PARD3B: variants seen among roughly 807,000 people sequenced by gnomAD.
The protein encoded by PARD3B is partitioning defective 3 homolog B.
In PARD3B, 103 loss-of-function variants were observed where a neutral mutation model predicts 130.2. The observed-to-expected ratio is 0.79, with a 90% CI of 0.67 to 0.93. The LOEUF (loss-of-function observed/expected upper bound fraction) is 0.93. Among genes scored for constraint, PARD3B ranks in the 40% least tolerant of loss-of-function variants. The probability of loss-of-function intolerance (pLI) is 0.00; values close to 1 mark genes in which losing one functional copy is unlikely to be tolerated. For missense variants in PARD3B, 1,609 were observed against 1,499.2 expected, an observed-to-expected ratio of 1.07 and a Z score of -1.21; for synonymous variants, 583 against 553.2, an observed-to-expected ratio of 1.05 and a Z score of -0.76.
chr2:205,450,540 C>G (rs946903351), intron 20 of PARD3B, among the ~76,000 whole-genome samples: 2 of 124,366 alleles, frequency 1.6e-5, no homozygotes, highest in African/African-American at 6.3e-5. Flanking sequence ...ATGGCATGAT[C>G]TCGGCTCACT....
At chr2:205,304,964 G>A (rs895506239) in intron 18 of PARD3B, among the ~76,000 whole-genome samples, 1 of 152,034 alleles carries the variant, frequency 6.6e-6, no homozygotes, top group Non-Finnish European at 1.5e-5. Flanking sequence ...AAATTAAAAA[G>A]AACAAAATTT....
intron 22 of PARD3B, among the ~76,000 whole-genome samples, chr2:205,582,078 T>C (rs995126453): frequency 6.6e-6 from 1 of 152,254 alleles, no homozygotes; most frequent in African/African-American, 2.4e-5. Context: ...CAGTTTCTAC[T>C]GGCCTAGAAC....
chr2:204,778,601 G>A (rs892943365), intron 2 of PARD3B, among the ~76,000 whole-genome samples: 13 of 152,096 alleles, frequency 8.5e-5, no homozygotes, highest in African/African-American at 2.9e-4. Flanking sequence ...GGAAGTAAGT[G>A]ACTTCATAAA....
Position 205,591,630 on chromosome 2 carries a change from C to G in PARD3B, c.3261-23826C>G, listed in dbSNP as rs2054389817. On this transcript the variant is annotated intron_variant, in intron 22 of 22. Coordinates refer to ENST00000406610, the MANE Select transcript of PARD3B (RefSeq NM_001302769.2). The surrounding 1 kb of genome is among the most constrained non-coding windows in gnomAD (Gnocchi z 4.2). ...ACCCAGAACTGTTGTTCCTAACCTCCCTGATGTCTCATATTTTGATGCTCA... is the reference window on the plus strand; with the variant it reads ...ACCCAGAACTGTTGTTCCTAACCTCGCTGATGTCTCATATTTTGATGCTCA... Among the ~76,000 whole-genome samples the G allele has an allele frequency of 6.6e-6, 1 of 152,166 alleles. No individual in the cohort carries two copies. Among genetic ancestry groups the G allele is most frequent in the Admixed American group, 6.5e-5 (1 of 15,284 alleles).
At chr2:205,524,211 T>G (rs141152844) in intron 21 of PARD3B, among the ~76,000 whole-genome samples, 238 of 152,320 alleles carry the variant, frequency 1.6e-3, no homozygotes, top group African/African-American at 5.0e-3. Context: ...TTTTTTGTGT[T>G]CTTTTTATTG....
intron 2 of PARD3B, among the ~76,000 whole-genome samples, chr2:204,876,134 T>G (rs115213959): frequency 6.6e-6 from 1 of 152,158 alleles, no homozygotes; most frequent in Non-Finnish European, 1.5e-5. Flanking sequence ...CTTGTAACAG[T>G]CAGGGAGTGG....
intron 18 of PARD3B, among the ~76,000 whole-genome samples, chr2:205,322,265 G>A (rs1478591451): frequency 3.9e-5 from 6 of 152,182 alleles, no homozygotes; most frequent in Admixed American, 2.6e-4. Context: ...AGGAAGAGTG[G>A]TCTGGAGAAA....
chr2:205,005,764 A>G (rs926851366), intron 3 of PARD3B, among the ~76,000 whole-genome samples: 14 of 152,224 alleles, frequency 9.2e-5, no homozygotes, highest in Admixed American at 8.5e-4. Context: ...CAACAACTTA[A>G]TGATTTTGAT....
intron 3 of PARD3B, among the ~76,000 whole-genome samples, chr2:205,046,020 A>C (rs1014382492): frequency 6.6e-6 from 1 of 152,266 alleles, no homozygotes; most frequent in African/African-American, 2.4e-5. Context: ...TTGGAAATAA[A>C]CCAGAGTTCT....
At chr2:204,822,995 GT>G (rs2043425706) in intron 2 of PARD3B, among the ~76,000 whole-genome samples, 1 of 152,132 alleles carries the variant, frequency 6.6e-6, no homozygotes, top group Non-Finnish European at 1.5e-5. Context: ...AGGTTTGAAA[GT>G]TTGGGGGACA....
In PARD3B at chr2:204,752,698, C is replaced by G. The variant is rs571891583; in HGVS notation, c.222+66416C>G. ...CCTTTAATTTCTGATTTTATGTCAT[C>G]TCCATCCATAAATCACTGCCAAGCC... On this transcript the variant is annotated intron_variant, in intron 2 of 22. Coordinates refer to ENST00000406610, the MANE Select transcript of PARD3B (RefSeq NM_001302769.2). Among the ~76,000 whole-genome samples the G allele has an allele frequency of 4.6e-5, 7 of 152,252 alleles. No homozygotes were observed. The South Asian group carries it at 1.5e-3, about 32-fold the overall frequency.
At chr2:205,107,413 T>C (rs1296060595) in intron 5 of PARD3B, among the ~76,000 whole-genome samples, 1 of 152,238 alleles carries the variant, frequency 6.6e-6, no homozygotes, top group East Asian at 1.9e-4. Context: ...ATTGGTATCA[T>C]GGTCACATAG....
chr2:204,668,882 A>G (rs1211375193), intron 1 of PARD3B, among the ~76,000 whole-genome samples: 2 of 152,148 alleles, frequency 1.3e-5, no homozygotes, highest in African/African-American at 2.4e-5. Context: ...AGGGGTCTTT[A>G]TTTGTGGAAG....
At chr2:205,554,267 A>AACT (rs2052781767) in intron 22 of PARD3B, among the ~76,000 whole-genome samples, 1 of 152,134 alleles carries the variant, frequency 6.6e-6, no homozygotes, top group Non-Finnish European at 1.5e-5. Context: ...TTTTATCAAA[A>AACT]CTGAGCTGTT....
chr2:204,742,541 G>A (rs932551645), intron 2 of PARD3B, among the ~76,000 whole-genome samples: 1 of 152,158 alleles, frequency 6.6e-6, no homozygotes, highest in African/African-American at 2.4e-5. Flanking sequence ...TGAGAATAGA[G>A]CAAAAGCTGT....
In PARD3B at chr2:205,385,964, C is replaced by G. The variant is rs1574882924; in HGVS notation, c.2631-15049C>G. Reference sequence around the variant, plus strand: ...TTAAAAATCAAGGTATTTCACTAAACAAATTTTTAATTTCAAAAATATTTT... The same window carrying G: ...TTAAAAATCAAGGTATTTCACTAAAGAAATTTTTAATTTCAAAAATATTTT... On this transcript the variant is annotated intron_variant, in intron 18 of 22. Coordinates refer to ENST00000406610, the MANE Select transcript of PARD3B (RefSeq NM_001302769.2). Among the ~76,000 whole-genome samples the G allele has an allele frequency of 1.3e-5, 2 of 152,170 alleles. 1 individual carries two copies. The highest frequency in any genetic ancestry group is 4.8e-5 in the African/African-American group (2 of 41,528).
intron 18 of PARD3B, among the ~76,000 whole-genome samples, chr2:205,380,895 AAT>A (rs1410884616): frequency 1.2e-5 from 1 of 80,198 alleles, no homozygotes. Context: ...ATATATAAAG[AAT>A]ATATATAATA....
At chr2:204,888,621 C>G (rs2046341851) in intron 2 of PARD3B, among the ~76,000 whole-genome samples, 1 of 151,466 alleles carries the variant, frequency 6.6e-6, no homozygotes, top group African/African-American at 2.4e-5. Context: ...GTTCCAGCTA[C>G]TCGGGAGGCT....
In PARD3B at chr2:205,275,837, C is replaced by CAAA. The variant is rs59238795; in HGVS notation, c.2186-24670_2186-24668dup. ...GAGCAACAAGAGTGAAACTTTGTCTCAAAAAAAAAAAAAAAAAAAAAAAAA... is the reference window on the plus strand; with the variant it reads ...GAGCAACAAGAGTGAAACTTTGTCTCAAAAAAAAAAAAAAAAAAAAAAAAAAAA... On this transcript the variant is annotated intron_variant, in intron 16 of 22. Transcript: ENST00000406610. Among the ~76,000 whole-genome samples the CAAA allele has an allele frequency of 4.9e-3, 296 of 60,412 alleles. 5 individuals carry two copies. The highest frequency in any genetic ancestry group is 0.016 in the Middle Eastern group (1 of 64). 39.6% of individuals were successfully genotyped at this position (60,412 alleles called of 152,430 possible).
Sources: gnomAD v4.1 joint callset for allele counts (sites outside exome capture counted in the v4.1 genomes callset) on GRCh38, gnomAD v4.1.1 for gene constraint, Gnocchi (gnomAD v3.1) non-coding constraint, MANE v1.5 for transcripts, NCBI Gene and HGNC (gene_info 2026-07-23, HGNC 2026-07-21) for gene names.